SMYD3: variants seen among roughly 807,000 people sequenced by gnomAD.
SMYD3 encodes histone-lysine N-methyltransferase SMYD3.
SMYD3 carries 36 observed loss-of-function variants against 57.7 expected under a neutral mutation model. That is an observed-to-expected ratio of 0.62 (90% CI 0.48 to 0.82). The LOEUF (loss-of-function observed/expected upper bound fraction) is 0.82. SMYD3 is among the 40% of genes least tolerant of loss of function. The pLI, the probability that SMYD3 is intolerant of heterozygous loss-of-function variation, is 0.00. For missense variants in SMYD3, 515 were observed against 538.8 expected, an observed-to-expected ratio of 0.96 and a Z score of 0.44; for synonymous variants, 211 against 195.0, an observed-to-expected ratio of 1.08 and a Z score of -0.68.
At chr1:246,285,829 G>A (rs1031619064) in intron 5 of SMYD3, among the ~76,000 whole-genome samples, 4 of 152,016 alleles carry the variant, frequency 2.6e-5, no homozygotes, top group Admixed American at 2.6e-4. Context: ...AGTGGGCTAA[G>A]GATACGAATA....
Position 245,915,698 on chromosome 1 carries a change from A to G in SMYD3, c.703-58T>C, listed in dbSNP as rs10924386. ...CATCTGCTGTGCTCATTTCTTTAAC[A>G]AATGGTTATTATTATTGCTAATTAT... is the stretch of plus-strand genomic sequence containing the variant. On this transcript the variant is annotated intron_variant, in intron 7 of 11. Transcript: ENST00000490107. The G allele has an allele frequency of 0.017, 19,374 of 1,116,742 alleles. 1,804 individuals carry two copies. The African/African-American group carries it at 0.23, about 13-fold the overall frequency. The allele number at this position is 1,116,742 out of a possible 1,614,324, so 69.2% of individuals were successfully genotyped here.
chr1:245,826,563 C>T (rs6700401), intron 10 of SMYD3, among the ~76,000 whole-genome samples: 128,002 of 152,188 alleles, frequency 0.84, 55,229 homozygotes, highest in Non-Finnish European at 0.95. Context: ...TTATTTCCCA[C>T]GCCAAGTTTC....
chr1:246,168,239 T>C (rs534402738), intron 5 of SMYD3, among the ~76,000 whole-genome samples: 2 of 152,262 alleles, frequency 1.3e-5, no homozygotes, highest in South Asian at 4.1e-4. Context: ...CAAAAGCCAA[T>C]AAAAGTATGC....
chr1:246,422,432 T>C (rs1251206026), intron 1 of SMYD3, among the ~76,000 whole-genome samples: 2 of 151,772 alleles, frequency 1.3e-5, no homozygotes, highest in Non-Finnish European at 2.9e-5. Context: ...TTTTTTTTAA[T>C]TTATTTTTTT....
intron 1 of SMYD3, among the ~76,000 whole-genome samples, chr1:246,356,991 G>C (rs927214977): frequency 5.9e-5 from 9 of 152,186 alleles, no homozygotes; most frequent in Admixed American, 5.9e-4. Context: ...GTTATCCAAA[G>C]CAAAGATGAA....
chr1:246,354,825 C>T (rs1261760159), intron 2 of SMYD3, among the ~76,000 whole-genome samples: 1 of 152,154 alleles, frequency 6.6e-6, no homozygotes, highest in Non-Finnish European at 1.5e-5. Flanking sequence ...TATACACACA[C>T]ACACCCAATT....
chr1:245,813,994 G>A lies in SMYD3; in HGVS notation c.1076+44502C>T, dbSNP rs538220217. Among the ~76,000 whole-genome samples, 65 of 151,248 alleles carry A rather than the reference G, an allele frequency of 4.3e-4. No homozygotes were observed. In the South Asian group the frequency reaches 0.013, roughly 29 times the overall value. ...ATTTCTTCATTGTTTCACCTTTTCC[G>A]TATATTTTTAAATGACAGCAAAATT... On this transcript the variant is annotated intron_variant, in intron 10 of 11. Coordinates refer to ENST00000490107, the MANE Select transcript of SMYD3 (RefSeq NM_001167740.2).
intron 11 of SMYD3, among the ~76,000 whole-genome samples, chr1:245,751,596 G>C (rs1013465163): frequency 7.3e-6 from 1 of 137,122 alleles, no homozygotes; most frequent in Non-Finnish European, 1.5e-5. Flanking sequence ...GAGAGAGAAA[G>C]AGAGAGAGAG....
chr1:246,188,289 T>C (rs1447910956), intron 5 of SMYD3, among the ~76,000 whole-genome samples: 4 of 151,886 alleles, frequency 2.6e-5, no homozygotes, highest in African/African-American at 9.7e-5. Flanking sequence ...GCGATCAGAG[T>C]CCAGATTGGA....
At chr1:246,385,974 C>T (rs547333258) in intron 1 of SMYD3, among the ~76,000 whole-genome samples, 1 of 152,164 alleles carries the variant, frequency 6.6e-6, no homozygotes, top group Non-Finnish European at 1.5e-5. Context: ...CTGCAAGCTC[C>T]ACCTCTTGGG....
chr1:245,898,388 G>A (rs1252146867), intron 8 of SMYD3, among the ~76,000 whole-genome samples: 1 of 152,208 alleles, frequency 6.6e-6, no homozygotes, highest in East Asian at 1.9e-4. Context: ...GGAACAATTA[G>A]ATAAAGGAAA....
chr1:245,796,124 A>G (rs1379263017), intron 10 of SMYD3, among the ~76,000 whole-genome samples: 1 of 152,214 alleles, frequency 6.6e-6, no homozygotes, highest in African/African-American at 2.4e-5. Flanking sequence ...GGATATGTAC[A>G]GGTATGGCCC....
At chr1:246,379,012 G>GA in intron 1 of SMYD3, among the ~76,000 whole-genome samples, 2 of 141,360 alleles carry the variant, frequency 1.4e-5, no homozygotes, top group South Asian at 4.3e-4. Context: ...TCCCCCCAGA[G>GA]AAAATGAGAA....
intron 1 of SMYD3, among the ~76,000 whole-genome samples, chr1:246,406,638 T>C (rs1174378524): frequency 6.6e-6 from 1 of 152,222 alleles, no homozygotes; most frequent in Non-Finnish European, 1.5e-5. Flanking sequence ...CTTAATAAAT[T>C]CTCACAACAA....
At chr1:246,365,520 A>C (rs2066085995) in intron 1 of SMYD3, among the ~76,000 whole-genome samples, 1 of 148,086 alleles carries the variant, frequency 6.8e-6, no homozygotes, top group African/African-American at 2.5e-5. Context: ...AAAAAAAATT[A>C]GGAATATAAG....
intron 5 of SMYD3, among the ~76,000 whole-genome samples, chr1:246,087,395 A>T (rs2060738804): frequency 6.6e-6 from 1 of 152,154 alleles, no homozygotes. Context: ...CACATTTGGT[A>T]CTCATCAGTT....
intron 1 of SMYD3, among the ~76,000 whole-genome samples, chr1:246,409,105 AT>A (rs2066917706): frequency 6.6e-6 from 1 of 151,646 alleles, no homozygotes; most frequent in Non-Finnish European, 1.5e-5. Context: ...GGTTGCAAAA[AT>A]TTTCTCCCAT....
intron 1 of SMYD3, among the ~76,000 whole-genome samples, chr1:246,489,174 G>A (rs1383642732): frequency 2.0e-5 from 3 of 151,916 alleles, no homozygotes; most frequent in East Asian, 1.9e-4. Context: ...GTGACACCCC[G>A]TCTCTACTAA....
chr1:245,873,770 G>A (rs2052346336), intron 8 of SMYD3, among the ~76,000 whole-genome samples: 1 of 152,198 alleles, frequency 6.6e-6, no homozygotes, highest in South Asian at 2.1e-4. Context: ...GACATGGGAT[G>A]AATGATAGCT....
Sources: gnomAD v4.1 joint callset for allele counts (sites outside exome capture counted in the v4.1 genomes callset) on GRCh38, gnomAD v4.1.1 for gene constraint, MANE v1.5 for transcripts, NCBI Gene and HGNC (gene_info 2026-07-23, HGNC 2026-07-21) for gene names.